The following PCLO variants were observed in gnomAD, a reference collection of about 807,000 sequenced individuals.
The protein encoded by PCLO is protein piccolo.
In PCLO, 82 loss-of-function variants were observed where a neutral mutation model predicts 427.5. The ratio of observed to expected loss-of-function variants is 0.19; its 90% CI spans 0.16 to 0.23. The LOEUF is 0.23. Among genes scored for constraint, PCLO ranks in the 10% least tolerant of loss-of-function variants. The pLI is 1.00. For synonymous variants in PCLO, 2,357 were observed against 2,155.4 expected (o/e 1.09, Z -2.59); for missense variants, 6,239 against 6,115.9 (o/e 1.02, Z -0.67).
In PCLO at chr7:82,914,672, G is replaced by C. The variant is rs754630610; in HGVS notation, c.13300+14C>G. 1.2e-6 allele frequency: 2 copies of C among 1,611,912 alleles called. No homozygotes were observed. Among genetic ancestry groups the C allele is most frequent in the Non-Finnish European group, 1.7e-6 (2 of 1,178,818 alleles). On this transcript the variant is annotated intron_variant, in intron 7 of 24. Transcript: ENST00000333891. ...AGTTTTGAGAGTAACAGGGTAGTTTGAGGCCCAATTTACCTTCACTGTCTG... is the reference window on the plus strand; with the variant it reads ...AGTTTTGAGAGTAACAGGGTAGTTTCAGGCCCAATTTACCTTCACTGTCTG...
At position 82,953,087 on chromosome 7, in the gene PCLO, T is replaced by TACAGAAAACACAGGTTCA. The variant is rs1466237212; in HGVS notation, c.7848_7865dup (p.Glu2617_Val2622dup). On this transcript the variant is annotated inframe_insertion, in exon 5 of 25. Coordinates refer to ENST00000333891, the MANE Select transcript of PCLO (RefSeq NM_033026.6). The stretch of plus-strand genomic sequence containing the variant: ...TTTCTACAGCTGTCACAGGAGGAAC[T>TACAGAAAACACAGGTTCA]ACAGAAAACACAGGTTCAACAGAAA... 6.2e-6 allele frequency: 10 copies of TACAGAAAACACAGGTTCA among 1,613,928 alleles called. No individual in the cohort carries two copies. Among genetic ancestry groups the TACAGAAAACACAGGTTCA allele is most frequent in the Non-Finnish European group, 8.5e-6 (10 of 1,179,846 alleles).
At chr7:83,115,040 G>A (rs910954900) in intron 3 of PCLO, among the ~76,000 whole-genome samples, 2 of 151,962 alleles carry the variant, frequency 1.3e-5, no homozygotes, top group Admixed American at 6.6e-5. Context: ...ATTGCAGTAT[G>A]TTGATGAATT....
intron 22 of PCLO, among the ~76,000 whole-genome samples, chr7:82,778,386 A>G (rs78337112): frequency 0.017 from 2,579 of 152,310 alleles, 24 homozygotes; most frequent in Middle Eastern, 0.031. Flanking sequence ...AAACAGAACT[A>G]TCATTTGACC....
intron 6 of PCLO, among the ~76,000 whole-genome samples, chr7:82,927,249 A>G (rs1439716082): frequency 2.0e-5 from 3 of 152,154 alleles, no homozygotes. Flanking sequence ...ATAACTTTTA[A>G]TATTTATATA....
chr7:82,949,152 T>C (rs1795270727), intron 6 of PCLO, among the ~76,000 whole-genome samples: 1 of 152,212 alleles, frequency 6.6e-6, no homozygotes, highest in South Asian at 2.1e-4. Flanking sequence ...GATTTCGATA[T>C]AAGAATAAGA....
intron 10 of PCLO, among the ~76,000 whole-genome samples, chr7:82,852,925 G>A (rs188817904): frequency 1.4e-4 from 21 of 152,128 alleles, no homozygotes; most frequent in African/African-American, 5.1e-4. Context: ...CCATCTGTAT[G>A]AGATCAACAT....
At chr7:83,016,331 A>T (rs1255313812) in intron 3 of PCLO, among the ~76,000 whole-genome samples, 2 of 152,192 alleles carry the variant, frequency 1.3e-5, no homozygotes, top group Admixed American at 6.5e-5. Context: ...CAAGATGTAA[A>T]ATGTGTTTTC....
chr7:82,775,999 T>C (rs1418738202), intron 22 of PCLO, among the ~76,000 whole-genome samples: 9 of 152,190 alleles, frequency 5.9e-5, no homozygotes, highest in Admixed American at 5.9e-4. Context: ...TTATTGTTGT[T>C]ACTGTCATTA....
intron 3 of PCLO, among the ~76,000 whole-genome samples, chr7:83,080,016 TC>T (rs971161451): frequency 1.3e-5 from 2 of 152,126 alleles, no homozygotes; most frequent in African/African-American, 4.8e-5. Flanking sequence ...GATAATGGTT[TC>T]CAGCTCCATC....
At chr7:82,968,992 G>A (rs1398224207) in intron 3 of PCLO, among the ~76,000 whole-genome samples, 2 of 152,142 alleles carry the variant, frequency 1.3e-5, no homozygotes, top group African/African-American at 4.8e-5. Context: ...TAGGTTTCAT[G>A]CCATTGGAAA....
At chr7:83,076,793 A>C (rs1789965715) in intron 3 of PCLO, among the ~76,000 whole-genome samples, 1 of 151,676 alleles carries the variant, frequency 6.6e-6, no homozygotes, top group African/African-American at 2.4e-5. Context: ...AATGAATGAC[A>C]ATTTTCTGAG....
chr7:82,966,305 T>C lies in PCLO; in HGVS notation c.3483A>G (p.Glu1161=). ...PPQVKLVKKQ[E]QEVKTEAEKV... ...TTTCAGCTTCCGTTTTTACTTCTTG[T>C]TCTTGCTTTTTCACTAATTTTACTT... Residue 1161 remains glutamate, a synonymous_variant, in exon 4 of 25, where the codon GAA becomes GAG. Transcript: ENST00000333891. The C allele has an allele frequency of 6.2e-7, 1 of 1,613,710 alleles. No individual in the cohort carries two copies. Among genetic ancestry groups the C allele is most frequent in the Non-Finnish European group, 8.5e-7 (1 of 1,179,844 alleles).
intron 10 of PCLO, among the ~76,000 whole-genome samples, chr7:82,848,302 TA>T (rs1792556478): frequency 7.2e-6 from 1 of 139,794 alleles, no homozygotes; most frequent in Non-Finnish European, 1.5e-5. Context: ...AACCATTAGT[TA>T]GTTTTTTTTT....
intron 9 of PCLO, among the ~76,000 whole-genome samples, chr7:82,901,089 C>A (rs1794026956): frequency 6.6e-6 from 1 of 151,774 alleles, no homozygotes; most frequent in Non-Finnish European, 1.5e-5. Flanking sequence ...TTTCTTAATA[C>A]AGCAATAACT....
chr7:82,804,508 G>T (rs938955804), intron 21 of PCLO, among the ~76,000 whole-genome samples: 1 of 152,124 alleles, frequency 6.6e-6, no homozygotes, highest in African/African-American at 2.4e-5. Context: ...AAAACAAAGA[G>T]AAATAGACAA....
rs560968407 is a variant in PCLO, at chr7:82,971,885, AT to A, written c.3301-5399del. On this transcript the variant is annotated intron_variant, in intron 3 of 24. Transcript: ENST00000333891. ...TTGTGGATGCTTTAAGACTGCTTCC[AT>A]TTTTTTTCCGGTGATTTTTAAATAT... is the stretch of plus-strand genomic sequence containing the variant. 1.7e-3 allele frequency among the ~76,000 whole-genome samples: 256 copies of A among 151,052 alleles called. 3 individuals carry two copies. The highest frequency in any genetic ancestry group is 9.0e-3 in the South Asian group (43 of 4,794).
rs1367162909 is a variant in PCLO at position 82,953,692 on chromosome 7, G to A, written c.7261C>T (p.Pro2421Ser). 1 of 1,083,804 alleles carries A rather than the reference G, an allele frequency of 9.2e-7. No homozygotes were observed. The allele number at this position is 1,083,804 out of a possible 1,614,324, so 67.1% of individuals were successfully genotyped here. The change falls in exon 5 of 25, where the codon CCC becomes TCC. Residue 2421 changes from proline to serine, a missense_variant. Physicochemically the swap from Pro to Ser is moderately conservative, Grantham distance 74 (BLOSUM62 -1). Coordinates refer to ENST00000333891, the MANE Select transcript of PCLO (RefSeq NM_033026.6). Reference protein sequence around the residue: ...PPPPPPPPPPPPPPPPLPPPT... With the variant: ...PPPPPPPPPPSPPPPPLPPPT... ...GGAGGAAGTGGTGGGGGAGGAGGGG[G>A]TGGTGGTGGAGGAGGAGGAGGAGGG...
At chr7:82,974,621 G>A (rs1795976077) in intron 3 of PCLO, among the ~76,000 whole-genome samples, 1 of 152,018 alleles carries the variant, frequency 6.6e-6, no homozygotes, top group South Asian at 2.1e-4. Flanking sequence ...CTAGGTTTTA[G>A]GCTGATAGCT....
chr7:82,871,323 G>A (rs1793231346), intron 10 of PCLO, among the ~76,000 whole-genome samples: 1 of 151,888 alleles, frequency 6.6e-6, no homozygotes, highest in Non-Finnish European at 1.5e-5. Flanking sequence ...GGAACTGGAG[G>A]ACATTATGTT....
Sources: gnomAD v4.1 joint callset for allele counts (sites outside exome capture counted in the v4.1 genomes callset) on GRCh38, gnomAD v4.1.1 for gene constraint, MANE v1.5 for transcripts, NCBI Gene and HGNC (gene_info 2026-07-23, HGNC 2026-07-21) for gene names.